The following HYDIN variants were observed in gnomAD, a reference collection of about 807,000 sequenced individuals.
HYDIN encodes the protein axonemal central pair apparatus protein HYDIN.
HYDIN carries 132 observed loss-of-function variants against 403.9 expected under a neutral mutation model. The observed-to-expected ratio is 0.33, with a 90% CI of 0.28 to 0.38. The LOEUF is 0.38. Among genes scored for constraint, HYDIN ranks in the 10% least tolerant of loss-of-function variants. The probability of loss-of-function intolerance (pLI) is 1.00; values close to 1 mark genes in which losing one functional copy is unlikely to be tolerated. For missense variants in HYDIN, 2,827 were observed against 5,009.5 expected, an observed-to-expected ratio of 0.56 and a Z score of 13.15; for synonymous variants, 1,202 against 1,891.7, an observed-to-expected ratio of 0.64 and a Z score of 9.46.
intron 45 of HYDIN, among the ~76,000 whole-genome samples, chr16:70,934,133 A>G (rs1037894037): frequency 6.6e-5 from 10 of 152,112 alleles, no homozygotes; most frequent in Non-Finnish European, 1.0e-4. Context: ...AAGCAAGTCA[A>G]GGCCTAACCC....
rs902031945 is a variant in HYDIN, at chr16:70,803,079, T to C, written c.*4501A>G. 1.3e-5 allele frequency among the ~76,000 whole-genome samples: 2 copies of C among 152,254 alleles called. No individual in the cohort carries two copies. The highest frequency in any genetic ancestry group is 2.9e-5 in the Non-Finnish European group (2 of 68,050). On this transcript the variant is annotated 3_prime_UTR_variant, in exon 86 of 86. Coordinates refer to ENST00000393567, the MANE Select transcript of HYDIN (RefSeq NM_001270974.2). ...TAATATATTTCATGTTTCTTTTGCT[T>C]TTTGGTTTGGCTTTTTCTTAGAGGT...
chr16:70,878,713 G>A, intron 62 of HYDIN, among the ~76,000 whole-genome samples: 1 of 143,230 alleles, frequency 7.0e-6, no homozygotes, highest in African/African-American at 3.0e-5. Flanking sequence ...GGTTTGCATG[G>A]ACTGCCAAAT....
intron 23 of HYDIN, among the ~76,000 whole-genome samples, chr16:71,001,513 C>G (rs2144073906): frequency 6.6e-6 from 1 of 152,014 alleles, no homozygotes; most frequent in South Asian, 2.1e-4. Context: ...AGGCTATAGG[C>G]AAATAGAACA....
intron 40 of HYDIN, among the ~76,000 whole-genome samples, chr16:70,953,551 C>T (rs1273343768): frequency 6.6e-6 from 1 of 152,150 alleles, no homozygotes; most frequent in African/African-American, 2.4e-5. Flanking sequence ...TCTCTACTTC[C>T]CGGCTTCCCC....
intron 45 of HYDIN, among the ~76,000 whole-genome samples, chr16:70,928,911 A>G (rs1380004264): frequency 1.8e-4 from 20 of 109,298 alleles, no homozygotes; most frequent in Admixed American, 1.7e-3. Context: ...GAAGCAAAGG[A>G]AAGTTCAAAG....
In HYDIN at chr16:70,805,321, A is replaced by G. The variant is rs2035062119; in HGVS notation, c.*2259T>C. On this transcript the variant is annotated 3_prime_UTR_variant, in exon 86 of 86. Coordinates refer to ENST00000393567, the MANE Select transcript of HYDIN (RefSeq NM_001270974.2). Reference sequence around the variant, plus strand: ...CCATGAAAATGCAGATTCTGATTCAACAAGTCTAGGGTGGGGCCTGAGGGC... The same window carrying G: ...CCATGAAAATGCAGATTCTGATTCAGCAAGTCTAGGGTGGGGCCTGAGGGC... Among the ~76,000 whole-genome samples the G allele has an allele frequency of 6.6e-6, 1 of 152,218 alleles. No homozygotes were observed. The highest frequency in any genetic ancestry group is 2.4e-5 in the African/African-American group (1 of 41,452).
chr16:71,193,850 C>CT (rs570538217), intron 1 of HYDIN, among the ~76,000 whole-genome samples: 1 of 152,144 alleles, frequency 6.6e-6, no homozygotes, highest in Non-Finnish European at 1.5e-5. Context: ...ATTTCCTATA[C>CT]TTTTTTTCTG....
Position 70,856,618 on chromosome 16 carries a change from T to C in HYDIN, c.12295+1087A>G, listed in dbSNP as rs2039041082. Among the ~76,000 whole-genome samples, 4 of 151,932 alleles carry C rather than the reference T, an allele frequency of 2.6e-5. No homozygotes were observed. In the South Asian group the frequency reaches 6.2e-4, roughly 24 times the overall value. On this transcript the variant is annotated intron_variant, in intron 72 of 85. Coordinates refer to ENST00000393567, the MANE Select transcript of HYDIN (RefSeq NM_001270974.2). ...AATGCCTTTTCAGTGTATATTAACA[T>C]GATCACATGGTTGTTCTTCTTTAAT...
At chr16:70,860,952 C>T (rs2039372131) in intron 69 of HYDIN, 51 bp from the exon 70 acceptor site, 3 of 842,676 alleles carry the variant, frequency 3.6e-6, no homozygotes, top group Non-Finnish European at 5.8e-6. Flanking sequence ...TCAGTTGTTG[C>T]TTTCTTAGTT....
At chr16:70,986,298 T>C (rs908770673) in intron 27 of HYDIN, among the ~76,000 whole-genome samples, 27 of 150,264 alleles carry the variant, frequency 1.8e-4, no homozygotes, top group Non-Finnish European at 1.9e-4. Flanking sequence ...CCAGCTGGGT[T>C]AGCAGGCCCA....
At chr16:71,116,322 CACA>C (rs2084030732) in intron 9 of HYDIN, among the ~76,000 whole-genome samples, 1 of 151,310 alleles carries the variant, frequency 6.6e-6, no homozygotes, top group African/African-American at 2.4e-5. Flanking sequence ...TTTCACTTAG[CACA>C]ATGTCTCCAG....
intron 84 of HYDIN, among the ~76,000 whole-genome samples, 177 bp downstream of exon 84, chr16:70,818,165 A>G (rs1429030929): frequency 1.3e-5 from 2 of 152,230 alleles, no homozygotes; most frequent in South Asian, 2.1e-4. Flanking sequence ...CCAAGCTCCT[A>G]TGAGGACTTT....
rs2082381910 is a variant in HYDIN, at chr16:71,069,362, A to G, written c.1879T>C (p.Trp627Arg). The change falls in exon 14 of 86, where the codon TGG becomes CGG. Residue 627 changes from tryptophan to arginine, a missense_variant. Coordinates refer to ENST00000393567, the MANE Select transcript of HYDIN (RefSeq NM_001270974.2). ...EQHVDYKRPS[W>R]TKEEISSMKP... The stretch of plus-strand genomic sequence containing the variant: ...ATTGAGGATATTTCTTCCTTGGTCC[A>G]AGATGGTCTTTTGTAGTCCACATGC... 3 of 1,614,192 alleles carry G rather than the reference A, an allele frequency of 1.9e-6. No homozygotes were observed. The highest frequency in any genetic ancestry group is 2.5e-6 in the Non-Finnish European group (3 of 1,180,032).
intron 62 of HYDIN, among the ~76,000 whole-genome samples, chr16:70,876,278 C>T (rs542155248): frequency 1.4e-5 from 2 of 143,476 alleles, no homozygotes; most frequent in African/African-American, 2.6e-5. Flanking sequence ...CTTTGTCTCC[C>T]GGGTTCTGGC....
rs545197093 is a variant in HYDIN at position 71,183,601 on chromosome 16, G to A, written c.261+1264C>T. On this transcript the variant is annotated intron_variant, in intron 3 of 85. Coordinates refer to ENST00000393567, the MANE Select transcript of HYDIN (RefSeq NM_001270974.2). Reference sequence around the variant, plus strand: ...ATCATTTAAAGTCAGAAGGTCATAGGGAAAATGCCTGCAAAGCTGTTATGA... The same window carrying A: ...ATCATTTAAAGTCAGAAGGTCATAGAGAAAATGCCTGCAAAGCTGTTATGA... Among the ~76,000 whole-genome samples the A allele has an allele frequency of 2.0e-5, 3 of 152,122 alleles. No homozygotes were observed. The South Asian group carries it at 6.2e-4, about 32-fold the overall frequency.
rs892683719 is a variant in HYDIN, at chr16:70,807,660, G to C, written c.15286C>G (p.Leu5096Val). The C allele has an allele frequency of 6.2e-7, 1 of 1,614,030 alleles. No homozygotes were observed. Among genetic ancestry groups the C allele is most frequent in the African/African-American group, 1.3e-5 (1 of 74,910 alleles). ...SGSKTPITTKLTVSCPPGEGS... is the reference protein window; with the variant it reads ...SGSKTPITTKVTVSCPPGEGS... ...TCACCAGGAGGGCAGCTCACAGTCA[G>C]CTTGGTGGTGATGGGGGTTTTGCTG... The change falls in exon 86 of 86, where the codon CTG (leucine) becomes GTG (valine). Residue 5096 changes from leucine to valine, a missense_variant. Coordinates refer to ENST00000393567, the MANE Select transcript of HYDIN (RefSeq NM_001270974.2).
At chr16:71,228,442 A>G (rs754107217) in intron 1 of HYDIN, among the ~76,000 whole-genome samples, 1 of 152,262 alleles carries the variant, frequency 6.6e-6, no homozygotes, top group Non-Finnish European at 1.5e-5. Flanking sequence ...CAGAATCTAC[A>G]AAGAACTCAA....
In HYDIN at chr16:70,803,964, C is replaced by T. The variant is rs2035001474; in HGVS notation, c.*3616G>A. 6.6e-6 allele frequency among the ~76,000 whole-genome samples: 1 copy of T among 152,202 alleles called. No homozygotes were observed. ...TTCTGAACATCCCCCAGTTAGAAGT[C>T]TCCTGGTCTGCTTTGCTGAGAATGG... On this transcript the variant is annotated 3_prime_UTR_variant, in exon 86 of 86. Coordinates refer to ENST00000393567, the MANE Select transcript of HYDIN (RefSeq NM_001270974.2).
chr16:70,995,199 A>C (rs1168540082), intron 23 of HYDIN, among the ~76,000 whole-genome samples: 2 of 152,174 alleles, frequency 1.3e-5, no homozygotes, highest in East Asian at 3.8e-4. Flanking sequence ...TTGAAATAGA[A>C]CGCTGGTAGA....
Sources: allele counts gnomAD v4.1 joint callset (sites outside exome capture counted in the v4.1 genomes callset), GRCh38; gene constraint gnomAD v4.1.1; transcripts MANE v1.5; gene names NCBI Gene and HGNC (gene_info 2026-07-23, HGNC 2026-07-21).